The following ST6GALNAC3 variants were observed in gnomAD, a reference collection of about 807,000 sequenced individuals.
ST6GALNAC3 encodes ST6 N-acetylgalactosaminide alpha-2,6-sialyltransferase 3.
A neutral mutation model predicts 32.7 loss-of-function variants in ST6GALNAC3; 25 were observed. The ratio of observed to expected loss-of-function variants is 0.76; its 90% CI spans 0.56 to 1.07. The LOEUF is 1.07. Among genes scored for constraint, ST6GALNAC3 ranks in the 50% least tolerant of loss-of-function variants. ST6GALNAC3 has a pLI of 0.00. For missense variants in ST6GALNAC3, 355 were observed against 382.4 expected, an observed-to-expected ratio of 0.93 and a Z score of 0.60; for synonymous variants, 129 against 133.1, an observed-to-expected ratio of 0.97 and a Z score of 0.21.
chr1:76,343,797 T>C (rs1369018510), intron 2 of ST6GALNAC3, among the ~76,000 whole-genome samples: 3 of 152,232 alleles, frequency 2.0e-5, no homozygotes, highest in Non-Finnish European at 1.5e-5. Flanking sequence ...AGCATGTTAA[T>C]GCCACAGAAT....
chr1:76,364,274 C>T (rs897573918), intron 2 of ST6GALNAC3, among the ~76,000 whole-genome samples: 2 of 152,256 alleles, frequency 1.3e-5, no homozygotes, highest in East Asian at 1.9e-4. Context: ...CTTGGTCAGG[C>T]GCGGTGGCTC....
chr1:76,179,667 A>G (rs1428950218), intron 1 of ST6GALNAC3, among the ~76,000 whole-genome samples: 1 of 152,136 alleles, frequency 6.6e-6, no homozygotes, highest in African/African-American at 2.4e-5. Flanking sequence ...GGTGTTTCCC[A>G]TCAGGATCTA....
At chr1:76,135,012 T>C (rs902709200) in intron 1 of ST6GALNAC3, among the ~76,000 whole-genome samples, 1 of 151,968 alleles carries the variant, frequency 6.6e-6, no homozygotes, top group Non-Finnish European at 1.5e-5. Context: ...CGTGGTGGCA[T>C]GCACCTGTAA....
intron 3 of ST6GALNAC3, among the ~76,000 whole-genome samples, chr1:76,426,519 A>C (rs1021934165): frequency 6.6e-6 from 1 of 151,480 alleles, no homozygotes; most frequent in Non-Finnish European, 1.5e-5. Flanking sequence ...TACTGCCTGA[A>C]AGACCTGCCT....
chr1:76,564,466 G>A (rs1665427018), intron 3 of ST6GALNAC3, among the ~76,000 whole-genome samples: 1 of 152,060 alleles, frequency 6.6e-6, no homozygotes, highest in Non-Finnish European at 1.5e-5. Flanking sequence ...TTCACAGCCA[G>A]GCCAGATTCA....
At chr1:76,103,657 G>A (rs1425629804) in intron 1 of ST6GALNAC3, among the ~76,000 whole-genome samples, 1 of 152,134 alleles carries the variant, frequency 6.6e-6, no homozygotes, top group East Asian at 1.9e-4. Flanking sequence ...GGTATCAGCA[G>A]CCACACTCCC....
chr1:76,127,132 A>G (rs919882065), intron 1 of ST6GALNAC3, among the ~76,000 whole-genome samples: 2 of 152,194 alleles, frequency 1.3e-5, no homozygotes, highest in African/African-American at 4.8e-5. Flanking sequence ...GTAATGTGTT[A>G]TGTGAAATGC....
At chr1:76,599,448 T>C (rs1647185853) in intron 3 of ST6GALNAC3, among the ~76,000 whole-genome samples, 1 of 151,868 alleles carries the variant, frequency 6.6e-6, no homozygotes, top group Non-Finnish European at 1.5e-5. Context: ...TCCCTCCCCT[T>C]GCCCCCCACC....
intron 1 of ST6GALNAC3, among the ~76,000 whole-genome samples, chr1:76,194,925 A>G (rs1018721495): frequency 1.8e-4 from 28 of 152,210 alleles, no homozygotes; most frequent in African/African-American, 6.8e-4. Flanking sequence ...CTCATGCATG[A>G]TTTTGTAACA....
chr1:76,112,234 G>A (rs1221264359), intron 1 of ST6GALNAC3, among the ~76,000 whole-genome samples: 1 of 142,086 alleles, frequency 7.0e-6, no homozygotes, highest in Non-Finnish European at 1.5e-5. Context: ...GCGGCTGGCC[G>A]GGCGGGGGGC....
intron 3 of ST6GALNAC3, among the ~76,000 whole-genome samples, chr1:76,526,995 C>G (rs1291869815): frequency 6.6e-6 from 1 of 151,898 alleles, no homozygotes; most frequent in Non-Finnish European, 1.5e-5. Context: ...AAATGAGATA[C>G]AAAGCAAATA....
chr1:76,512,073 G>A (rs1373688174), intron 3 of ST6GALNAC3, among the ~76,000 whole-genome samples: 1 of 152,036 alleles, frequency 6.6e-6, no homozygotes, highest in African/African-American at 2.4e-5. Context: ...TCCAAGTTTG[G>A]AATTATTTCC....
At chr1:76,341,638 T>TTTCTTTCTTTCTTTCA (rs1648007448) in intron 2 of ST6GALNAC3, among the ~76,000 whole-genome samples, 1 of 138,556 alleles carries the variant, frequency 7.2e-6, no homozygotes, top group Non-Finnish European at 1.5e-5. Flanking sequence ...TCTTTCTTTC[T>TTTCTTTCTTTCTTTCA]TTCTTTCTTT....
At chr1:76,512,396 C>T (rs1661919413) in intron 3 of ST6GALNAC3, among the ~76,000 whole-genome samples, 1 of 152,102 alleles carries the variant, frequency 6.6e-6, no homozygotes, top group Non-Finnish European at 1.5e-5. Context: ...TAAAATTATA[C>T]TCTCAGTATT....
intron 3 of ST6GALNAC3, among the ~76,000 whole-genome samples, chr1:76,556,329 G>A (rs769720238): frequency 4.6e-5 from 7 of 151,986 alleles, no homozygotes; most frequent in Non-Finnish European, 8.8e-5. Context: ...GAATAATGCT[G>A]CTATCAACAT....
chr1:76,202,697 T>C (rs1001018232), intron 1 of ST6GALNAC3, among the ~76,000 whole-genome samples: 1 of 152,206 alleles, frequency 6.6e-6, no homozygotes, highest in Non-Finnish European at 1.5e-5. Flanking sequence ...CAATCTTGGA[T>C]GTTGAGTTCA....
intron 2 of ST6GALNAC3, among the ~76,000 whole-genome samples, chr1:76,368,811 C>T (rs2101073108): frequency 6.6e-6 from 1 of 152,218 alleles, no homozygotes; most frequent in South Asian, 2.1e-4. Flanking sequence ...TATCTCGGCT[C>T]CAGTGGCATT....
chr1:76,277,269 TAC>T (rs1659182989), intron 1 of ST6GALNAC3, among the ~76,000 whole-genome samples: 1 of 152,044 alleles, frequency 6.6e-6, no homozygotes, highest in African/African-American at 2.4e-5. Context: ...TGTGTGTATT[TAC>T]ATATGGGCTT....
chr1:76,352,811 T>A (rs1649104488), intron 2 of ST6GALNAC3, among the ~76,000 whole-genome samples: 1 of 152,150 alleles, frequency 6.6e-6, no homozygotes, highest in South Asian at 2.1e-4. Context: ...ATAAATGGTA[T>A]TGCCATTCAC....
Sources: allele counts gnomAD v4.1 joint callset (sites outside exome capture counted in the v4.1 genomes callset), GRCh38; gene constraint gnomAD v4.1.1; transcripts MANE v1.5; gene names NCBI Gene and HGNC (gene_info 2026-07-23, HGNC 2026-07-21).